Variants in LPA observed in about 807,000 individuals in gnomAD.
LPA encodes apolipoprotein(a).
LPA carries 199 observed loss-of-function variants against 197.9 expected under a neutral mutation model. The observed-to-expected ratio is 1.01, with a 90% confidence interval of 0.90 to 1.13. The LOEUF is 1.13. Ranked by LOEUF, LPA falls within the 50% of genes most tolerant of loss-of-function variation. LPA has a pLI of 0.00. For synonymous variants in LPA, 715 were observed against 639.5 expected, an observed-to-expected ratio of 1.12 and a Z score of -1.78; for missense variants, 1,853 against 1,785.8, an observed-to-expected ratio of 1.04 and a Z score of -0.68.
chr6:160,600,868 C>T (rs1163054473), intron 19 of LPA, 49 bp downstream of exon 19: 11 of 1,599,234 alleles, frequency 6.9e-6, no homozygotes, highest in Admixed American at 5.0e-5. Context: ...GTATCCATGG[C>T]TTTTCATCCC....
Position 160,609,991 on chromosome 6 carries a change from T to C in LPA, c.2603+1571A>G, listed in dbSNP as rs972788557. Among the ~76,000 whole-genome samples, 6 of 152,192 alleles carry C rather than the reference T, an allele frequency of 3.9e-5. No individual in the cohort carries two copies. In the East Asian group the frequency reaches 5.8e-4, roughly 15 times the overall value. On this transcript the variant is annotated intron_variant, in intron 16 of 38. Coordinates refer to ENST00000316300, the MANE Select transcript of LPA (RefSeq NM_005577.4). ...GTTCTTTAATTTGATTTGGCTATTC[T>C]ATACTATTAATTTGTCTTGATATGA...
At chr6:160,606,179 T>G (rs1779345627) in intron 17 of LPA, among the ~76,000 whole-genome samples, 1 of 152,130 alleles carries the variant, frequency 6.6e-6, no homozygotes, top group South Asian at 2.1e-4. Context: ...TGACAGCATG[T>G]TACAATAAAA....
chr6:160,601,382 T>C (rs891772288), intron 18 of LPA, among the ~76,000 whole-genome samples: 2 of 152,140 alleles, frequency 1.3e-5, no homozygotes, highest in Non-Finnish European at 2.9e-5. Context: ...GATCAGAATA[T>C]CCTCCTTCTG....
At chr6:160,583,189 G>T (rs149673936) in intron 26 of LPA, among the ~76,000 whole-genome samples, 1 of 151,468 alleles carries the variant, frequency 6.6e-6, no homozygotes, top group East Asian at 1.9e-4. Flanking sequence ...TGTATTGACT[G>T]ATTTTTCTCC....
intron 28 of LPA, among the ~76,000 whole-genome samples, chr6:160,576,343 TATATATATATATATATATATATAC>T (rs1230397299): frequency 4.3e-3 from 20 of 4,656 alleles, no homozygotes; most frequent in African/African-American, 0.013. Context: ...TGTGTGTGTA[TATATATATATATATATATATATAC>T]ATATATATAT....
At chr6:160,586,851 C>T (rs1175003140) in intron 24 of LPA, among the ~76,000 whole-genome samples, 1 of 152,164 alleles carries the variant, frequency 6.6e-6, no homozygotes, top group Non-Finnish European at 1.5e-5. Flanking sequence ...GTAATCTATG[C>T]TTTATAAGAA....
chr6:160,564,950 T>A (rs1778424995), intron 28 of LPA, among the ~76,000 whole-genome samples: 1 of 152,122 alleles, frequency 6.6e-6, no homozygotes, highest in South Asian at 2.1e-4. Flanking sequence ...GAGACCGAAC[T>A]GCAAGGCGGC....
intron 30 of LPA, among the ~76,000 whole-genome samples, chr6:160,555,610 T>G (rs1778249901): frequency 6.6e-6 from 1 of 151,386 alleles, no homozygotes; most frequent in South Asian, 2.1e-4. Context: ...TATATACTCA[T>G]ATACATGTGA....
At chr6:160,570,632 A>T (rs556439927) in intron 28 of LPA, among the ~76,000 whole-genome samples, 16 of 152,306 alleles carry the variant, frequency 1.1e-4, no homozygotes, top group African/African-American at 3.8e-4. Context: ...CTTAAAGTAT[A>T]ATAATAGTAA....
At chr6:160,553,954 T>TGTGTGTGTGTGTGTGTGTGCGCGC (rs771903485) in intron 30 of LPA, among the ~76,000 whole-genome samples, 4 of 130,746 alleles carry the variant, frequency 3.1e-5, no homozygotes, top group Non-Finnish European at 4.8e-5. Flanking sequence ...TGTGTGTGTG[T>TGTGTGTGTGTGTGTGTGTGCGCGC]GCGCGCGCGC....
chr6:160,652,684 A>T (rs1005078425), intron 1 of LPA, among the ~76,000 whole-genome samples: 4 of 152,154 alleles, frequency 2.6e-5, no homozygotes, highest in African/African-American at 9.7e-5. Context: ...ACAACTGATT[A>T]TTCAGGGTAA....
At chr6:160,603,259 T>TGTGTGTGTGTGTGTGC (rs952043659) in intron 18 of LPA, among the ~76,000 whole-genome samples, 8 of 151,430 alleles carry the variant, frequency 5.3e-5, no homozygotes, top group Non-Finnish European at 1.0e-4. Context: ...TGTGTGTGTG[T>TGTGTGTGTGTGTGTGC]GCGTGCATGT....
chr6:160,610,385 G>T (rs1306639298), intron 16 of LPA, among the ~76,000 whole-genome samples: 2 of 152,102 alleles, frequency 1.3e-5, no homozygotes, highest in African/African-American at 4.8e-5. Context: ...ATTGTACTTT[G>T]AAATTATGGC....
Position 160,575,856 on chromosome 6 carries a change from T to C in LPA, c.4631+1280A>G, listed in dbSNP as rs550780127. On this transcript the variant is annotated intron_variant, in intron 28 of 38. Coordinates refer to ENST00000316300, the MANE Select transcript of LPA (RefSeq NM_005577.4). Reference sequence around the variant, plus strand: ...ATTTATATTACACTGAGGTGACTTCTAGGTACATGACTGTAGCTCTTTATC... The same window carrying C: ...ATTTATATTACACTGAGGTGACTTCCAGGTACATGACTGTAGCTCTTTATC... Among the ~76,000 whole-genome samples the C allele has an allele frequency of 2.6e-5, 4 of 152,336 alleles. No homozygotes were observed. In the South Asian group the frequency reaches 8.3e-4, roughly 32 times the overall value.
chr6:160,544,151 G>A (rs1476972560), intron 33 of LPA, among the ~76,000 whole-genome samples: 1 of 152,088 alleles, frequency 6.6e-6, no homozygotes, highest in African/African-American at 2.4e-5. Flanking sequence ...AGGTGCATGA[G>A]TCCCAGGCAC....
At chr6:160,592,583 T>C (rs1779050255) in intron 22 of LPA, among the ~76,000 whole-genome samples, 1 of 152,216 alleles carries the variant, frequency 6.6e-6, no homozygotes, top group Admixed American at 6.5e-5. Context: ...TGAAAACTTC[T>C]TTTGTGTCTA....
chr6:160,592,086 G>A (rs111585316), intron 22 of LPA, among the ~76,000 whole-genome samples: 189 of 152,260 alleles, frequency 1.2e-3, no homozygotes, highest in African/African-American at 3.9e-3. Flanking sequence ...TTTGTCAGCC[G>A]TCATGGCTTC....
intron 18 of LPA, 136 bp downstream of exon 18, chr6:160,604,910 A>G (rs1779314090): frequency 2.2e-6 from 3 of 1,379,592 alleles, no homozygotes; most frequent in Non-Finnish European, 1.0e-6. Context: ...CTCAAAGACA[A>G]TGTTCCTGAG....
chr6:160,582,483 C>T lies in LPA; in HGVS notation c.4289+2563G>A, dbSNP rs978873028. Among the ~76,000 whole-genome samples, 9 of 151,644 alleles carry T rather than the reference C, an allele frequency of 5.9e-5. No homozygotes were observed. The East Asian group carries it at 1.7e-3, about 29-fold the overall frequency. On this transcript the variant is annotated intron_variant, in intron 26 of 38. Coordinates refer to ENST00000316300, the MANE Select transcript of LPA (RefSeq NM_005577.4). ...GTTTCTGATTTGATCTTTTTTTCTT[C>T]TTACCACTCTAAAGGTGTTATTCTA...
Sources: gnomAD v4.1 joint callset for allele counts (sites outside exome capture counted in the v4.1 genomes callset) on GRCh38, gnomAD v4.1.1 for gene constraint, MANE v1.5 for transcripts, NCBI Gene and HGNC (gene_info 2026-07-23, HGNC 2026-07-21) for gene names.